Variants in FSHR observed in about 807,000 individuals in gnomAD.
FSHR encodes the protein follicle-stimulating hormone receptor.
Under a neutral mutation model 52.1 loss-of-function variants are expected in FSHR, and 46 were observed. The ratio of observed to expected loss-of-function variants is 0.88; its 90% CI spans 0.70 to 1.13. The LOEUF (loss-of-function observed/expected upper bound fraction) is 1.13. FSHR is among the 50% of genes most tolerant of loss of function. FSHR has a pLI of 0.00. For missense variants in FSHR, 964 were observed against 834.6 expected, an observed-to-expected ratio of 1.16 and a Z score of -1.91; for synonymous variants, 399 against 309.6, an observed-to-expected ratio of 1.29 and a Z score of -3.03.
At chr2:49,094,957 G>C (rs553898867) in intron 1 of FSHR, among the ~76,000 whole-genome samples, 1 of 152,044 alleles carries the variant, frequency 6.6e-6, no homozygotes, top group African/African-American at 2.4e-5. Context: ...AGGAATAAAA[G>C]ATGGGATATT....
At chr2:49,037,237 G>A (rs1462284181) in intron 2 of FSHR, among the ~76,000 whole-genome samples, 1 of 152,192 alleles carries the variant, frequency 6.6e-6, no homozygotes, top group Admixed American at 6.5e-5. Context: ...TATGTTGGGT[G>A]AGAATTCACA....
In FSHR at chr2:49,050,977, G is replaced by T. The variant is rs1668835786; in HGVS notation, c.224+17242C>A. Among the ~76,000 whole-genome samples, 3 of 152,046 alleles carry T rather than the reference G, an allele frequency of 2.0e-5. No homozygotes were observed. In the South Asian group the frequency reaches 6.2e-4, roughly 32 times the overall value. ...TTCTTTTTTGAGGTTCATATAAATA[G>T]AATCATATGGTATACCTTCTGTGTC... is the stretch of plus-strand genomic sequence containing the variant. On this transcript the variant is annotated intron_variant, in intron 2 of 9. Transcript: ENST00000406846.
chr2:49,062,884 A>G (rs1669365355), intron 2 of FSHR, among the ~76,000 whole-genome samples: 2 of 152,134 alleles, frequency 1.3e-5, no homozygotes, highest in South Asian at 4.1e-4. Flanking sequence ...GAAAATGGAT[A>G]TTATAAAAAA....
chr2:49,145,521 T>A lies in FSHR; in HGVS notation c.152+8745A>T, dbSNP rs957851374. Among the ~76,000 whole-genome samples, 4 of 152,128 alleles carry A rather than the reference T, an allele frequency of 2.6e-5. No individual in the cohort carries two copies. In the South Asian group the frequency reaches 8.3e-4, roughly 31 times the overall value. On this transcript the variant is annotated intron_variant, in intron 1 of 9. Coordinates refer to ENST00000406846, the MANE Select transcript of FSHR (RefSeq NM_000145.4). ...GGCTGTCTTCTTATCATCTCTGTTC[T>A]GGCATCAGGCAGGCAGGTATCCATT...
intron 1 of FSHR, among the ~76,000 whole-genome samples, chr2:49,131,808 T>C (rs1179978815): frequency 6.6e-6 from 1 of 152,204 alleles, no homozygotes; most frequent in Non-Finnish European, 1.5e-5. Flanking sequence ...CCAGAAGTTC[T>C]TTCTACCAAC....
chr2:49,021,872 TATATATATATATATAGAGAGAGAG>T (rs1485101991), intron 2 of FSHR, among the ~76,000 whole-genome samples: 9 of 53,284 alleles, frequency 1.7e-4, no homozygotes, highest in Non-Finnish European at 2.5e-4. Context: ...TCTATATATA[TATATATATATATATAGAGAGAGAG>T]AGAGAGAGAG....
At chr2:49,038,648 A>C (rs1668378323) in intron 2 of FSHR, among the ~76,000 whole-genome samples, 1 of 144,632 alleles carries the variant, frequency 6.9e-6, no homozygotes, top group African/African-American at 2.5e-5. Flanking sequence ...TAATAATAAT[A>C]ATAATAATAA....
chr2:48,999,654 A>C (rs1213205361), intron 4 of FSHR, among the ~76,000 whole-genome samples: 1 of 152,146 alleles, frequency 6.6e-6, no homozygotes, highest in African/African-American at 2.4e-5. Context: ...TATTTCCAGA[A>C]ATACAAATAC....
chr2:48,968,591 G>A (rs1163618964), intron 9 of FSHR, 107 bp downstream of exon 9: 2 of 1,324,288 alleles, frequency 1.5e-6, no homozygotes, highest in East Asian at 4.7e-5. Flanking sequence ...GCTTGAGACA[G>A]GGAACTCTCT....
At chr2:49,072,951 T>C (rs72877902) in intron 1 of FSHR, among the ~76,000 whole-genome samples, 3,024 of 152,244 alleles carry the variant, frequency 0.02, 90 homozygotes, top group African/African-American at 0.069. Flanking sequence ...ATTATGACCT[T>C]GTTGATCTAG....
At position 49,013,476 on chromosome 2, in the gene FSHR, AT is replaced by A. The variant is rs1266564038; in HGVS notation, c.374+4012del. On this transcript the variant is annotated intron_variant, in intron 4 of 9. Coordinates refer to ENST00000406846, the MANE Select transcript of FSHR (RefSeq NM_000145.4). ...AATATATATATAAATATATATATATATATAAATAAATATATATATATATAAA... is the reference window on the plus strand; with the variant it reads ...AATATATATATAAATATATATATATAATAAATAAATATATATATATATAAA... 6.5e-5 allele frequency among the ~76,000 whole-genome samples: 8 copies of A among 123,038 alleles called. No homozygotes were observed. In the South Asian group the frequency reaches 7.8e-4, roughly 12 times the overall value. The allele number at this position is 123,038 out of a possible 152,430, so 80.7% of individuals were successfully genotyped here.
At chr2:48,983,287 C>T (rs1675340435) in intron 6 of FSHR, 121 bp from the exon 7 acceptor site, 2 of 832,722 alleles carry the variant, frequency 2.4e-6, no homozygotes, top group Admixed American at 2.0e-5. Flanking sequence ...GAAAATGCCA[C>T]TTTTAAAGCT....
chr2:49,006,581 A>T (rs1039947014), intron 4 of FSHR, among the ~76,000 whole-genome samples: 1 of 151,960 alleles, frequency 6.6e-6, no homozygotes, highest in Non-Finnish European at 1.5e-5. Context: ...TGTCTCTCCA[A>T]ATCATATTTA....
chr2:49,067,920 A>G (rs1376140385), intron 2 of FSHR, among the ~76,000 whole-genome samples: 2 of 151,862 alleles, frequency 1.3e-5, no homozygotes, highest in Admixed American at 1.3e-4. Context: ...TGTCTGCAGA[A>G]AAGAAGAGGC....
At chr2:49,084,638 C>A (rs181815855) in intron 1 of FSHR, among the ~76,000 whole-genome samples, 216 of 152,122 alleles carry the variant, frequency 1.4e-3, no homozygotes, top group African/African-American at 5.0e-3. Context: ...ATTCAGTAGA[C>A]GCAATAAAAA....
At chr2:48,973,322 T>C (rs746600688) in intron 8 of FSHR, among the ~76,000 whole-genome samples, 11 of 151,984 alleles carry the variant, frequency 7.2e-5, no homozygotes, top group Non-Finnish European at 1.3e-4. Flanking sequence ...TAAACACAGA[T>C]GTGTGAGGCA....
intron 9 of FSHR, among the ~76,000 whole-genome samples, chr2:48,967,180 C>T (rs1413565976): frequency 2.0e-5 from 3 of 152,166 alleles, no homozygotes; most frequent in South Asian, 2.1e-4. Flanking sequence ...ACTGCAGCCT[C>T]GACCTCCTGG....
chr2:49,146,569 C>T (rs758052951), intron 1 of FSHR, among the ~76,000 whole-genome samples: 1 of 151,890 alleles, frequency 6.6e-6, no homozygotes, highest in Non-Finnish European at 1.5e-5. Flanking sequence ...CTATTCAGCC[C>T]AAGGGAAACA....
intron 2 of FSHR, among the ~76,000 whole-genome samples, chr2:49,058,256 A>C (rs1245875238): frequency 6.6e-6 from 1 of 152,166 alleles, no homozygotes; most frequent in African/African-American, 2.4e-5. Context: ...CATATTATAC[A>C]TGGAAAAACT....
Sources: gnomAD v4.1 joint callset for allele counts (sites outside exome capture counted in the v4.1 genomes callset) on GRCh38, gnomAD v4.1.1 for gene constraint, MANE v1.5 for transcripts, NCBI Gene and HGNC (gene_info 2026-07-23, HGNC 2026-07-21) for gene names.